The following NDRG3 variants were observed in gnomAD, a reference collection of about 807,000 sequenced individuals.
NDRG3 encodes the protein NDRG family member 3.
NDRG3 carries 23 observed loss-of-function variants against 57.2 expected under a neutral mutation model. The observed-to-expected ratio is 0.40, with a 90% CI of 0.29 to 0.57. The LOEUF (loss-of-function observed/expected upper bound fraction) is 0.57, where lower values mean the gene tolerates loss of function less well. Ranked by LOEUF, NDRG3 falls within the 20% of genes least tolerant of loss-of-function variation. The pLI is 0.42. For missense variants in NDRG3, 384 were observed against 457.3 expected (o/e 0.84, Z 1.46); for synonymous variants, 132 against 162.6 (o/e 0.81, Z 1.43).
chr20:36,671,998 G>A (rs1051771949), intron 8 of NDRG3, among the ~76,000 whole-genome samples: 16 of 152,074 alleles, frequency 1.1e-4, no homozygotes, highest in Admixed American at 8.5e-4. Context: ...TAGACCTCAC[G>A]GCTGTTTGCT....
rs1043335334 is a variant in NDRG3, at chr20:36,652,868, A to T, written c.*652T>A. ...TTTTATTTATAGAAGAGTATACAGA[A>T]ATTCATTTGGACAGAAGGAGCCTCT... is the stretch of plus-strand genomic sequence containing the variant. On this transcript the variant is annotated 3_prime_UTR_variant, in exon 16 of 16. Transcript: ENST00000349004. 1.3e-5 allele frequency: 2 copies of T among 152,218 alleles called. No individual in the cohort carries two copies. The highest frequency in any genetic ancestry group is 6.5e-5 in the Admixed American group (1 of 15,284). The allele number at this position is 152,218 out of a possible 1,614,324, so 9.4% of individuals were successfully genotyped here.
At chr20:36,658,274 G>A (rs763344920) in intron 13 of NDRG3, among the ~76,000 whole-genome samples, 5 of 152,166 alleles carry the variant, frequency 3.3e-5, no homozygotes, top group African/African-American at 1.2e-4. Flanking sequence ...TGGGATTACA[G>A]GTGCCCAGCA....
At chr20:36,702,832 G>T (rs916335673) in intron 3 of NDRG3, among the ~76,000 whole-genome samples, 1 of 152,088 alleles carries the variant, frequency 6.6e-6, no homozygotes, top group Non-Finnish European at 1.5e-5. Flanking sequence ...GGGATTACAG[G>T]CATGCACATG....
intron 1 of NDRG3, among the ~76,000 whole-genome samples, chr20:36,736,593 A>G (rs1222502996): frequency 2.0e-5 from 3 of 152,058 alleles, no homozygotes; most frequent in Non-Finnish European, 2.9e-5. Context: ...TAATCCTAAA[A>G]CTATTGACTT....
At chr20:36,686,713 G>T (rs1981813554) in intron 5 of NDRG3, among the ~76,000 whole-genome samples, 4 of 152,164 alleles carry the variant, frequency 2.6e-5, no homozygotes, top group Admixed American at 2.6e-4. Flanking sequence ...ACCTCTATCT[G>T]CCAGGACAGC....
At chr20:36,657,406 T>C (rs1451149651) in intron 13 of NDRG3, among the ~76,000 whole-genome samples, 2 of 151,518 alleles carry the variant, frequency 1.3e-5, no homozygotes, top group African/African-American at 4.9e-5. Context: ...AAGAATCACT[T>C]GAACTCATGA....
At chr20:36,703,321 A>T (rs1160708842) in intron 3 of NDRG3, among the ~76,000 whole-genome samples, 3 of 151,984 alleles carry the variant, frequency 2.0e-5, no homozygotes, top group African/African-American at 4.8e-5. Flanking sequence ...TATAGTTTAC[A>T]TGTATGTGTG....
chr20:36,712,570 TA>T (rs1983963346), intron 2 of NDRG3, among the ~76,000 whole-genome samples: 2 of 16,610 alleles, frequency 1.2e-4, no homozygotes, highest in East Asian at 2.3e-3. Context: ...TATATATATA[TA>T]TATATATATA....
At chr20:36,696,068 G>T (rs1982759069) in intron 3 of NDRG3, among the ~76,000 whole-genome samples, 1 of 152,130 alleles carries the variant, frequency 6.6e-6, no homozygotes, top group Non-Finnish European at 1.5e-5. Context: ...AAATATTGGG[G>T]GATTCCCCCG....
intron 12 of NDRG3, among the ~76,000 whole-genome samples, chr20:36,660,734 G>A (rs1979130712): frequency 6.6e-6 from 1 of 151,916 alleles, no homozygotes; most frequent in Non-Finnish European, 1.5e-5. Context: ...CTAATTTTGT[G>A]TATTTTTAGT....
In NDRG3 at chr20:36,665,084, G is replaced by A. The variant is rs767184418; in HGVS notation, c.772C>T (p.Leu258=). 1 of 1,614,108 alleles carries A rather than the reference G, an allele frequency of 6.2e-7. No individual in the cohort carries two copies. Among genetic ancestry groups the A allele is most frequent in the Admixed American group, 1.7e-5 (1 of 60,000 alleles). ...GCAGGCGAATTGTCCCCTACCACCA[G>A]TAAAGTAGAACACCTAGGTAGGCAA... ...KSKTLKCSTL[L]VVGDNSPAVE... is the part of the protein sequence containing the mutation. Residue 258 remains leucine, a synonymous_variant, in exon 12 of 16, where the codon CTG becomes TTG. Coordinates refer to ENST00000349004, the MANE Select transcript of NDRG3 (RefSeq NM_032013.4).
intron 8 of NDRG3, among the ~76,000 whole-genome samples, chr20:36,676,595 T>C (rs1980736391): frequency 6.6e-6 from 1 of 152,188 alleles, no homozygotes. Flanking sequence ...CCCGAGTAGC[T>C]GGGATTACAG....
At chr20:36,676,003 G>A (rs990890818) in intron 8 of NDRG3, among the ~76,000 whole-genome samples, 18 of 152,154 alleles carry the variant, frequency 1.2e-4, no homozygotes, top group Non-Finnish European at 2.4e-4. Context: ...CACTTTGGGA[G>A]GCTGAGGCGG....
chr20:36,679,648 C>T lies in NDRG3; in HGVS notation c.531+1168G>A, dbSNP rs182039472. On this transcript the variant is annotated intron_variant, in intron 8 of 15. Coordinates refer to ENST00000349004, the MANE Select transcript of NDRG3 (RefSeq NM_032013.4). ...CCCCCCGAGTAGCTGGGATTACAGGCACCCACCACCACGCCCGGCTAATTT... is the reference window on the plus strand; with the variant it reads ...CCCCCCGAGTAGCTGGGATTACAGGTACCCACCACCACGCCCGGCTAATTT... Among the ~76,000 whole-genome samples the T allele has an allele frequency of 5.1e-3, 778 of 151,674 alleles. 8 individuals are homozygous for T. The highest frequency in any genetic ancestry group is 0.018 in the African/African-American group (756 of 41,318).
At chr20:36,658,401 A>AC (rs1978865836) in intron 13 of NDRG3, among the ~76,000 whole-genome samples, 1 of 152,194 alleles carries the variant, frequency 6.6e-6, no homozygotes, top group African/African-American at 2.4e-5. Flanking sequence ...GGTGTGAGCC[A>AC]CCATGCCCAG....
intron 1 of NDRG3, among the ~76,000 whole-genome samples, chr20:36,741,744 T>C (rs1480194323): frequency 6.6e-6 from 1 of 152,218 alleles, no homozygotes; most frequent in Non-Finnish European, 1.5e-5. Context: ...TCTCAAAGTG[T>C]GATCCTTAGA....
intron 2 of NDRG3, among the ~76,000 whole-genome samples, chr20:36,716,054 C>T (rs1011054808): frequency 7.2e-5 from 11 of 152,060 alleles, no homozygotes; most frequent in Non-Finnish European, 1.6e-4. Flanking sequence ...ATGATTGTGC[C>T]ACTGGACTCC....
chr20:36,697,198 T>C (rs550336324), intron 3 of NDRG3, among the ~76,000 whole-genome samples: 31 of 152,300 alleles, frequency 2.0e-4, no homozygotes, highest in Non-Finnish European at 4.0e-4. Context: ...ATCAAAACAC[T>C]GGCAGCTGGT....
At chr20:36,655,528 A>G (rs765584479) in intron 15 of NDRG3, among the ~76,000 whole-genome samples, 1 of 151,874 alleles carries the variant, frequency 6.6e-6, no homozygotes, top group Non-Finnish European at 1.5e-5. Context: ...GCTCTAAAAC[A>G]CTCTCCAAGT....
Sources: gnomAD v4.1 joint callset for allele counts (sites outside exome capture counted in the v4.1 genomes callset) on GRCh38, gnomAD v4.1.1 for gene constraint, MANE v1.5 for transcripts, NCBI Gene and HGNC (gene_info 2026-07-23, HGNC 2026-07-21) for gene names.